Variants in DYRK1A observed in about 807,000 individuals in gnomAD.
DYRK1A encodes dual specificity tyrosine phosphorylation regulated kinase 1A.
DYRK1A carries 9 observed loss-of-function variants against 79.7 expected under a neutral mutation model. The observed-to-expected ratio is 0.11, with a 90% CI of 0.07 to 0.20. The LOEUF (loss-of-function observed/expected upper bound fraction) is 0.20. Among genes scored for constraint, DYRK1A ranks in the 10% least tolerant of loss-of-function variants. The pLI is 1.00. For missense variants in DYRK1A, 622 were observed against 956.0 expected (o/e 0.65, Z 4.61); for synonymous variants, 349 against 329.7 (o/e 1.06, Z -0.63).
At chr21:37,496,052 A>G in intron 8 of DYRK1A, 66 bp from the exon 9 acceptor site, 1 of 1,492,104 alleles carries the variant, frequency 6.7e-7, no homozygotes, top group South Asian at 1.2e-5. Flanking sequence ...TGAATGAATG[A>G]CTTGATGAGC....
At chr21:37,458,306 G>GTGTGTGTATGTACA (rs1309419092) in intron 2 of DYRK1A, among the ~76,000 whole-genome samples, 1 of 150,562 alleles carries the variant, frequency 6.6e-6, no homozygotes, top group Non-Finnish European at 1.5e-5. Flanking sequence ...GTGTGTGTGT[G>GTGTGTGTATGTACA]TACATATACA....
intron 2 of DYRK1A, among the ~76,000 whole-genome samples, chr21:37,449,296 A>C (rs2051369200): frequency 6.6e-6 from 1 of 152,216 alleles, no homozygotes; most frequent in Non-Finnish European, 1.5e-5. Flanking sequence ...CAGTGGTTTA[A>C]ATCAGTAGAA....
intron 1 of DYRK1A, among the ~76,000 whole-genome samples, chr21:37,417,534 T>TCTTTTTCTTTTTC (rs1555959240): frequency 5.9e-5 from 5 of 84,232 alleles, no homozygotes; most frequent in South Asian, 3.5e-4. Context: ...TTTTTCTTTT[T>TCTTTTTCTTTTTC]TTTTTTTTTT....
chr21:37,504,251 A>C (rs1337774933), intron 9 of DYRK1A: 1 of 152,042 alleles, frequency 6.6e-6, no homozygotes, highest in African/African-American at 2.4e-5. Flanking sequence ...CAGCAGCCCC[A>C]CTCCTAACTC....
intron 2 of DYRK1A, among the ~76,000 whole-genome samples, chr21:37,428,317 CAT>C (rs2050683388): frequency 6.6e-6 from 1 of 152,142 alleles, no homozygotes; most frequent in East Asian, 1.9e-4. Context: ...ATGCCTCAAA[CAT>C]AACAGATTCT....
At position 37,512,528 on chromosome 21, in the gene DYRK1A, G is replaced by T. The variant is rs778873782; in HGVS notation, c.2262G>T (p.Ser754=). The change falls in exon 12 of 12, where the codon TCG becomes TCT. Residue 754 remains serine (S), a synonymous_variant. Transcript: ENST00000647188. ...TGCAACAGAGTCCTGTAGCTAGCTC[G>T]TGACTACATTGAAACTTGAGTTTGT... is the stretch of plus-strand genomic sequence containing the variant. ...VCVQQSPVAS[S] The T allele has an allele frequency of 6.2e-7, 1 of 1,605,268 alleles. No homozygotes were observed. Among genetic ancestry groups the T allele is most frequent in the South Asian group, 1.1e-5 (1 of 90,608 alleles).
At chr21:37,498,178 A>T (rs922185413) in intron 9 of DYRK1A, among the ~76,000 whole-genome samples, 6 of 152,100 alleles carry the variant, frequency 3.9e-5, no homozygotes, top group African/African-American at 1.2e-4. Context: ...AATACTATAT[A>T]TTTTTTTCCT....
rs1555977135 is a variant in DYRK1A, at chr21:37,472,863, C to T, written c.190C>T (p.Gln64Ter). The change falls in exon 3 of 12, where the codon CAA (glutamine) becomes TAA (stop). Residue 64 changes from glutamine (Q) to a stop codon, truncating the protein, a stop_gained. Transcript: ENST00000647188. LOFTEE classifies it high-confidence loss of function. ...SALSYSDQIQ[Q>*]PLTNQRRMPQ... is the part of the protein sequence containing the mutation. ...CTTATCATATTCTGACCAGATTCAG[C>T]AACCTCTAACTAACCAGGTAAGTTC... The T allele has an allele frequency of 6.3e-7, 1 of 1,578,696 alleles. No individual in the cohort carries two copies.
intron 2 of DYRK1A, among the ~76,000 whole-genome samples, chr21:37,455,796 A>G (rs2051617827): frequency 6.6e-6 from 1 of 152,162 alleles, no homozygotes; most frequent in Non-Finnish European, 1.5e-5. Flanking sequence ...ACCATTTTAA[A>G]CATTAACTCT....
intron 1 of DYRK1A, among the ~76,000 whole-genome samples, chr21:37,411,950 G>A (rs546547087): frequency 7.9e-5 from 12 of 152,074 alleles, no homozygotes; most frequent in African/African-American, 2.4e-4. Flanking sequence ...ATTGTATTCC[G>A]CTGTGCCAAT....
rs538560461 is a variant in DYRK1A, at chr21:37,470,921, C to T, written c.11-1763C>T. ...ATGTTTAGAAAAGTTGGCCATCTTT[C>T]ACCACAGTTGTACTATCCTTTTACT... On this transcript the variant is annotated intron_variant, in intron 2 of 11. Transcript: ENST00000647188. 5.8e-4 allele frequency among the ~76,000 whole-genome samples: 88 copies of T among 152,290 alleles called. 1 individual carries two copies. Among genetic ancestry groups the T allele is most frequent in the Non-Finnish European group, 1.5e-5 (1 of 68,030 alleles).
intron 1 of DYRK1A, among the ~76,000 whole-genome samples, chr21:37,374,917 A>G (rs2049507245): frequency 6.6e-6 from 1 of 152,196 alleles, no homozygotes; most frequent in African/African-American, 2.4e-5. Flanking sequence ...AGAAACACCA[A>G]TAAAGTTCAT....
chr21:37,412,991 A>G (rs924690442), intron 1 of DYRK1A, among the ~76,000 whole-genome samples: 3 of 152,192 alleles, frequency 2.0e-5, no homozygotes, highest in East Asian at 1.9e-4. Context: ...TGAAGCGGTC[A>G]GGGGATAGAA....
intron 1 of DYRK1A, among the ~76,000 whole-genome samples, chr21:37,388,457 A>G (rs1427120907): frequency 6.6e-6 from 1 of 152,156 alleles, no homozygotes; most frequent in Non-Finnish European, 1.5e-5. Flanking sequence ...TGTATCTGTA[A>G]AAGATAAGGA....
chr21:37,499,315 G>A (rs1601297846), intron 9 of DYRK1A, among the ~76,000 whole-genome samples: 1 of 152,176 alleles, frequency 6.6e-6, no homozygotes, highest in African/African-American at 2.4e-5. Context: ...TGAAGGGGTT[G>A]AAGTTCATTT....
At chr21:37,383,584 A>G (rs899244213) in intron 1 of DYRK1A, among the ~76,000 whole-genome samples, 1 of 152,210 alleles carries the variant, frequency 6.6e-6, no homozygotes, top group African/African-American at 2.4e-5. Flanking sequence ...TTCACAGCAT[A>G]TATTAAGTGA....
chr21:37,377,031 G>GTGTA (rs1413037263), intron 1 of DYRK1A, among the ~76,000 whole-genome samples: 1 of 152,214 alleles, frequency 6.6e-6, no homozygotes, highest in African/African-American at 2.4e-5. Context: ...GTGTGTGTGT[G>GTGTA]TGTATGTACA....
At chr21:37,429,776 T>G (rs2050726353) in intron 2 of DYRK1A, among the ~76,000 whole-genome samples, 1 of 152,254 alleles carries the variant, frequency 6.6e-6, no homozygotes, top group Non-Finnish European at 1.5e-5. Flanking sequence ...ATTTACATGC[T>G]TATGTTAATA....
chr21:37,414,027 G>A (rs2050290275), intron 1 of DYRK1A, among the ~76,000 whole-genome samples: 1 of 151,990 alleles, frequency 6.6e-6, no homozygotes, highest in Non-Finnish European at 1.5e-5. Flanking sequence ...TGTGCACCTG[G>A]TAAAATGATG....
Sources: allele counts gnomAD v4.1 joint callset (sites outside exome capture counted in the v4.1 genomes callset), GRCh38; gene constraint gnomAD v4.1.1; transcripts MANE v1.5; gene names NCBI Gene and HGNC (gene_info 2026-07-23, HGNC 2026-07-21).